The following ANTXR1 variants were observed in gnomAD, a reference collection of about 807,000 sequenced individuals.
ANTXR1 encodes anthrax toxin receptor 1.
ANTXR1 carries 19 observed loss-of-function variants against 78.1 expected under a neutral mutation model. The observed-to-expected ratio is 0.24, with a 90% CI of 0.17 to 0.36. The LOEUF is 0.36. ANTXR1 is among the 10% of genes least tolerant of loss of function. ANTXR1 has a pLI of 1.00. For synonymous variants in ANTXR1, 273 were observed against 260.5 expected, an observed-to-expected ratio of 1.05 and a Z score of -0.46; for missense variants, 518 against 718.6, an observed-to-expected ratio of 0.72 and a Z score of 3.19.
At chr2:69,190,754 C>T (rs114109083) in intron 16 of ANTXR1, among the ~76,000 whole-genome samples, 14 of 152,288 alleles carry the variant, frequency 9.2e-5, no homozygotes, top group African/African-American at 3.4e-4. Context: ...TCTGTTGCCA[C>T]AAAGAAACAT....
At chr2:69,182,441 C>T (rs112963487) in intron 15 of ANTXR1, 52 bp from the exon 16 acceptor site, 62 of 1,599,072 alleles carry the variant, frequency 3.9e-5, no homozygotes, top group African/African-American at 2.4e-4. Context: ...TTCTCATTCT[C>T]GAGGGGCAGC....
chr2:69,028,496 A>G (rs958881006), intron 1 of ANTXR1, among the ~76,000 whole-genome samples: 1 of 152,138 alleles, frequency 6.6e-6, no homozygotes, highest in African/African-American at 2.4e-5. Context: ...TCACTTACAC[A>G]TGAAAAAAAA....
At chr2:69,181,743 C>T (rs762996460) in intron 14 of ANTXR1, 43 bp from the exon 15 acceptor site, 3 of 1,582,860 alleles carry the variant, frequency 1.9e-6, no homozygotes, top group Non-Finnish European at 1.7e-6. Context: ...GTCCACACAG[C>T]AGTGCTGTTT....
At chr2:69,242,124 C>T (rs893312925) in intron 17 of ANTXR1, among the ~76,000 whole-genome samples, 8 of 152,210 alleles carry the variant, frequency 5.3e-5, no homozygotes, top group Admixed American at 3.3e-4. Flanking sequence ...CATGGGCGTA[C>T]CCCTAGGGTG....
At chr2:69,116,682 T>C (rs951213559) in intron 10 of ANTXR1, among the ~76,000 whole-genome samples, 17 of 152,220 alleles carry the variant, frequency 1.1e-4, no homozygotes, top group Admixed American at 1.0e-3. Context: ...TATGGGAATG[T>C]AAGCTCTGCT....
chr2:69,199,214 C>G (rs1049704439), intron 17 of ANTXR1, among the ~76,000 whole-genome samples: 1 of 152,188 alleles, frequency 6.6e-6, no homozygotes, highest in Non-Finnish European at 1.5e-5. Context: ...AACCCATGCT[C>G]GGAGTTTCTG....
chr2:69,090,931 T>C lies in ANTXR1; in HGVS notation c.703+12T>C. The C allele has an allele frequency of 6.2e-7, 1 of 1,611,626 alleles. No homozygotes were observed. The highest frequency in any genetic ancestry group is 1.1e-5 in the South Asian group (1 of 91,076). The stretch of plus-strand genomic sequence containing the variant: ...CATATGTGCAGGAGGTAAATTGAAA[T>C]GAAATGCTAATTGCTTTCATACAAT... On this transcript the variant is annotated intron_variant, in intron 9 of 17. Coordinates refer to ENST00000303714, the MANE Select transcript of ANTXR1 (RefSeq NM_032208.3).
At chr2:69,015,743 A>G (rs1438660945) in intron 1 of ANTXR1, among the ~76,000 whole-genome samples, 1 of 152,160 alleles carries the variant, frequency 6.6e-6, no homozygotes, top group Non-Finnish European at 1.5e-5. Context: ...AGATTTGAAT[A>G]TATTAAAATT....
intron 17 of ANTXR1, among the ~76,000 whole-genome samples, chr2:69,243,998 A>C (rs1015739749): frequency 6.6e-6 from 1 of 152,256 alleles, no homozygotes; most frequent in African/African-American, 2.4e-5. Context: ...CAAGTGGCCA[A>C]GCGAAGAGAG....
intron 1 of ANTXR1, among the ~76,000 whole-genome samples, chr2:69,016,226 GGAA>G (rs1671020886): frequency 6.6e-6 from 1 of 152,202 alleles, no homozygotes; most frequent in Non-Finnish European, 1.5e-5. Context: ...GTGCGATTGA[GGAA>G]GTGAATTTTT....
rs183718816 is a variant in ANTXR1 at position 69,105,860 on chromosome 2, G to A, written c.802+2920G>A. On this transcript the variant is annotated intron_variant, in intron 10 of 17. Transcript: ENST00000303714. Reference sequence around the variant, plus strand: ...AAGGCCCAATAATGAAGCTAAGGCTGTGTGGCTCTAGCCACTTCAAACATG... The same window carrying A: ...AAGGCCCAATAATGAAGCTAAGGCTATGTGGCTCTAGCCACTTCAAACATG... 2.0e-5 allele frequency among the ~76,000 whole-genome samples: 3 copies of A among 152,292 alleles called. No individual in the cohort carries two copies. In the East Asian group the frequency reaches 5.8e-4, roughly 29 times the overall value.
At chr2:69,223,466 T>C (rs902021298) in intron 17 of ANTXR1, among the ~76,000 whole-genome samples, 1 of 152,110 alleles carries the variant, frequency 6.6e-6, no homozygotes, top group Non-Finnish European at 1.5e-5. Flanking sequence ...ATTACACAAA[T>C]GGAGGAATAA....
At chr2:69,045,915 G>A (rs1669754359) in intron 3 of ANTXR1, among the ~76,000 whole-genome samples, 1 of 152,108 alleles carries the variant, frequency 6.6e-6, no homozygotes, top group East Asian at 1.9e-4. Context: ...ACAGAACCCA[G>A]ACCAGACCCA....
intron 3 of ANTXR1, among the ~76,000 whole-genome samples, chr2:69,045,100 G>A (rs1427967669): frequency 4.6e-5 from 7 of 152,238 alleles, no homozygotes; most frequent in South Asian, 2.1e-4. Context: ...AACTTGGAGC[G>A]AAATGTTGGC....
chr2:69,244,650 T>A (rs1197825379), intron 17 of ANTXR1, among the ~76,000 whole-genome samples: 1 of 152,192 alleles, frequency 6.6e-6, no homozygotes, highest in Non-Finnish European at 1.5e-5. Flanking sequence ...TGAATTACAA[T>A]ATAGGAGAAG....
At chr2:69,014,506 T>G (rs1670964968) in intron 1 of ANTXR1, among the ~76,000 whole-genome samples, 2 of 152,162 alleles carry the variant, frequency 1.3e-5, no homozygotes, top group East Asian at 1.9e-4. Flanking sequence ...GGCTTTAGGA[T>G]TTGCTCAAGG....
intron 10 of ANTXR1, among the ~76,000 whole-genome samples, chr2:69,120,715 G>A (rs1481197410): frequency 6.6e-6 from 1 of 152,036 alleles, no homozygotes; most frequent in East Asian, 1.9e-4. Context: ...GGTACTACAT[G>A]ATCCTACACT....
At position 69,076,740 on chromosome 2, in the gene ANTXR1, A is replaced by C. The variant is rs371716939; in HGVS notation, c.562-668A>C. Among the ~76,000 whole-genome samples the C allele has an allele frequency of 5.1e-4, 78 of 152,328 alleles. 1 individual carries two copies. In the South Asian group the frequency reaches 0.016, roughly 30 times the overall value. ...TTTTCCTAAGTTTTTACAATGAGTA[A>C]GTATTACTTTTGCAATCAGTAAAAA... On this transcript the variant is annotated intron_variant, in intron 7 of 17. Coordinates refer to ENST00000303714, the MANE Select transcript of ANTXR1 (RefSeq NM_032208.3).
intron 14 of ANTXR1, among the ~76,000 whole-genome samples, chr2:69,181,041 GAAGGCCAGAAAGGTGAGCA>G (rs1443946744): frequency 1.3e-5 from 2 of 152,202 alleles, no homozygotes; most frequent in Non-Finnish European, 2.9e-5. Flanking sequence ...TGATAAGGAA[GAAGGCCAGAAAGGTGAGCA>G]AAGGCCAGAA....
Sources: allele counts gnomAD v4.1 joint callset (sites outside exome capture counted in the v4.1 genomes callset), GRCh38; gene constraint gnomAD v4.1.1; transcripts MANE v1.5; gene names NCBI Gene and HGNC (gene_info 2026-07-23, HGNC 2026-07-21).